The following ARMH3 variants were observed in gnomAD, a reference collection of about 807,000 sequenced individuals.
ARMH3 encodes the protein armadillo-like helical domain-containing protein 3.
Under a neutral mutation model 99.1 loss-of-function variants are expected in ARMH3, and 60 were observed. That is an observed-to-expected ratio of 0.61 (90% CI 0.49 to 0.75). ARMH3 has a LOEUF of 0.75. Among genes scored for constraint, ARMH3 ranks in the 30% least tolerant of loss-of-function variants. The pLI is 0.00. For synonymous variants in ARMH3, 285 were observed against 292.8 expected, an observed-to-expected ratio of 0.97 and a Z score of 0.27; for missense variants, 679 against 843.1, an observed-to-expected ratio of 0.81 and a Z score of 2.41.
intron 1 of ARMH3, among the ~76,000 whole-genome samples, chr10:102,043,369 TTCTC>T (rs1184747311): frequency 2.6e-5 from 4 of 152,176 alleles, no homozygotes. Flanking sequence ...TATCTAATGA[TTCTC>T]TCAGCATCAC....
chr10:101,903,801 C>A (rs1204604153), intron 23 of ARMH3, among the ~76,000 whole-genome samples: 1 of 152,168 alleles, frequency 6.6e-6, no homozygotes, highest in African/African-American at 2.4e-5. Flanking sequence ...TAAGGGGAAG[C>A]AGGACAACTT....
At chr10:101,966,496 G>T (rs778351978) in intron 20 of ARMH3, among the ~76,000 whole-genome samples, 2 of 151,720 alleles carry the variant, frequency 1.3e-5, no homozygotes, top group Non-Finnish European at 2.9e-5. Flanking sequence ...TCGAACTCCT[G>T]ACTTCAGGTG....
At chr10:101,897,705 T>A (rs2067872279) in intron 23 of ARMH3, among the ~76,000 whole-genome samples, 1 of 151,994 alleles carries the variant, frequency 6.6e-6, no homozygotes, top group Non-Finnish European at 1.5e-5. Context: ...GAAGGAAAAA[T>A]AAATAGACAA....
chr10:101,908,664 C>CTTTTTTT (rs373262667), intron 23 of ARMH3, among the ~76,000 whole-genome samples: 1 of 137,360 alleles, frequency 7.3e-6, no homozygotes, highest in Non-Finnish European at 1.6e-5. Context: ...TTTTCTTTTT[C>CTTTTTTT]TTTTTTTTTT....
intron 1 of ARMH3, among the ~76,000 whole-genome samples, chr10:102,043,435 T>C (rs866074740): frequency 9.2e-5 from 14 of 152,186 alleles, no homozygotes; most frequent in Admixed American, 2.0e-4. Flanking sequence ...TTAGGCACTA[T>C]AGGATTAAAG....
rs891954300 is a variant in ARMH3, at chr10:102,029,534, A to G, written c.414+104T>C. On this transcript the variant is annotated intron_variant, in intron 5 of 25. Coordinates refer to ENST00000370033, the MANE Select transcript of ARMH3 (RefSeq NM_024541.3). ...TGCAAGGCCAAATTCAATCATCTGT[A>G]TCTTTCTGAGTCCAAATCTTTGAGT... 1.1e-5 allele frequency: 18 copies of G among 1,608,408 alleles called. No individual in the cohort carries two copies. The Middle Eastern group carries it at 6.6e-4, about 59-fold the overall frequency.
At chr10:101,973,346 C>A (rs1354699657) in intron 20 of ARMH3, among the ~76,000 whole-genome samples, 1 of 124,432 alleles carries the variant, frequency 8.0e-6, no homozygotes, top group African/African-American at 3.1e-5. Flanking sequence ...GGCGACAGAG[C>A]GAGACTCCGT....
chr10:102,013,709 G>A (rs1437197491), intron 9 of ARMH3, among the ~76,000 whole-genome samples: 1 of 152,098 alleles, frequency 6.6e-6, no homozygotes, highest in Non-Finnish European at 1.5e-5. Flanking sequence ...ATCAACTTCA[G>A]CACACTATAA....
chr10:101,902,350 A>G (rs2068002175), intron 23 of ARMH3, among the ~76,000 whole-genome samples: 1 of 152,196 alleles, frequency 6.6e-6, no homozygotes, highest in African/African-American at 2.4e-5. Context: ...TATTACTCAG[A>G]GGAACAGATA....
At chr10:101,899,929 T>A (rs1328059539) in intron 23 of ARMH3, among the ~76,000 whole-genome samples, 1 of 152,158 alleles carries the variant, frequency 6.6e-6, no homozygotes, top group Non-Finnish European at 1.5e-5. Flanking sequence ...TCTAGTTGCT[T>A]ACTTTACCCA....
At chr10:102,022,290 C>T (rs1273622798) in intron 8 of ARMH3, among the ~76,000 whole-genome samples, 1 of 151,400 alleles carries the variant, frequency 6.6e-6, no homozygotes, top group South Asian at 2.1e-4. Flanking sequence ...CTGGGCTAAT[C>T]ATCATACTCA....
At chr10:102,050,937 T>C (rs2067687454) in intron 1 of ARMH3, among the ~76,000 whole-genome samples, 1 of 148,004 alleles carries the variant, frequency 6.8e-6, no homozygotes, top group Admixed American at 6.7e-5. Context: ...GCAGATCACT[T>C]AAGAGTAAGA....
intron 11 of ARMH3, among the ~76,000 whole-genome samples, chr10:102,011,141 C>A (rs2066620305): frequency 6.6e-6 from 1 of 151,420 alleles, no homozygotes; most frequent in Non-Finnish European, 1.5e-5. Flanking sequence ...AAACCTTGCC[C>A]TGGAGTCTTG....
intron 24 of ARMH3, among the ~76,000 whole-genome samples, chr10:101,878,877 G>A (rs2067337252): frequency 6.6e-6 from 1 of 151,574 alleles, no homozygotes; most frequent in Non-Finnish European, 1.5e-5. Context: ...TTAGTGTGTA[G>A]AAGAAACTTT....
intron 1 of ARMH3, among the ~76,000 whole-genome samples, chr10:102,051,804 C>G (rs1433255243): frequency 6.6e-6 from 1 of 152,176 alleles, no homozygotes; most frequent in Non-Finnish European, 1.5e-5. Context: ...TAATCTGGTC[C>G]CATCAGCATC....
chr10:101,947,749 G>A (rs1043684380), intron 22 of ARMH3, among the ~76,000 whole-genome samples: 18 of 151,754 alleles, frequency 1.2e-4, no homozygotes, highest in Non-Finnish European at 1.6e-4. Context: ...GCAGTGAGCC[G>A]AGATCATGCC....
At chr10:102,053,688 C>G (rs920607053) in intron 1 of ARMH3, among the ~76,000 whole-genome samples, 1 of 148,702 alleles carries the variant, frequency 6.7e-6, no homozygotes, top group African/African-American at 2.5e-5. Context: ...GAGAGGGAGT[C>G]TCGCTCTGTC....
Position 102,036,862 on chromosome 10 carries a change from T to A in ARMH3, c.102+3151A>T, listed in dbSNP as rs576659287. ...CTCTCCGAGAAACACCCAAGAATGA[T>A]CAATAAAAAAAAAAAAAAAAGAAAG... On this transcript the variant is annotated intron_variant, in intron 2 of 25. Coordinates refer to ENST00000370033, the MANE Select transcript of ARMH3 (RefSeq NM_024541.3). Among the ~76,000 whole-genome samples, 112 of 130,494 alleles carry A rather than the reference T, an allele frequency of 8.6e-4. 1 individual carries two copies. The East Asian group carries it at 0.019, about 22-fold the overall frequency. The allele number at this position is 130,494 out of a possible 152,430, so 85.6% of individuals were successfully genotyped here.
intron 23 of ARMH3, among the ~76,000 whole-genome samples, chr10:101,935,802 C>T (rs1235492155): frequency 6.6e-6 from 1 of 152,192 alleles, no homozygotes; most frequent in Non-Finnish European, 1.5e-5. Flanking sequence ...CTTTTATAAA[C>T]AGCAGAAACA....
Sources: allele counts gnomAD v4.1 joint callset (sites outside exome capture counted in the v4.1 genomes callset), GRCh38; gene constraint gnomAD v4.1.1; transcripts MANE v1.5; gene names NCBI Gene and HGNC (gene_info 2026-07-23, HGNC 2026-07-21).